The following MICU2 variants were observed in gnomAD, a reference collection of about 807,000 sequenced individuals.
MICU2 encodes calcium uptake protein 2, mitochondrial.
In MICU2, 64 loss-of-function variants were observed where a neutral mutation model predicts 60.4. The observed-to-expected ratio is 1.06, with a 90% CI of 0.87 to 1.31. The LOEUF is 1.31. MICU2 is among the 50% of genes most tolerant of loss of function. The pLI is 0.00. For synonymous variants in MICU2, 201 were observed against 175.0 expected, an observed-to-expected ratio of 1.15 and a Z score of -1.17; for missense variants, 569 against 531.0, an observed-to-expected ratio of 1.07 and a Z score of -0.70.
chr13:21,553,820 T>C lies in MICU2; in HGVS notation c.358+12977A>G, dbSNP rs558382279. ...TGCAGAGACACACATAGGCTCAAAA[T>C]AAAGGGATGGAGGAAGATCTATCAA... On this transcript the variant is annotated intron_variant, in intron 2 of 11. Transcript: ENST00000382374. Among the ~76,000 whole-genome samples, 459 of 151,870 alleles carry C rather than the reference T, an allele frequency of 3.0e-3. 4 individuals carry two copies. Among genetic ancestry groups the C allele is most frequent in the African/African-American group, 0.01 (422 of 41,406 alleles).
At chr13:21,532,810 G>A (rs1419919071) in intron 4 of MICU2, among the ~76,000 whole-genome samples, 2 of 152,102 alleles carry the variant, frequency 1.3e-5, no homozygotes, top group African/African-American at 2.4e-5. Context: ...ACGGTGGAGT[G>A]GGTACCAGGC....
At chr13:21,603,318 AG>A (rs1419171821) in intron 1 of MICU2, among the ~76,000 whole-genome samples, 3 of 152,180 alleles carry the variant, frequency 2.0e-5, no homozygotes, top group Non-Finnish European at 4.4e-5. Flanking sequence ...ATTTTTGCTT[AG>A]AACTTATGGT....
chr13:21,588,482 C>T (rs1354212071), intron 1 of MICU2, among the ~76,000 whole-genome samples: 1 of 152,204 alleles, frequency 6.6e-6, no homozygotes, highest in Non-Finnish European at 1.5e-5. Flanking sequence ...GGTCAGCCCC[C>T]AAGGGCCATC....
At chr13:21,573,870 T>A (rs988942241) in intron 1 of MICU2, among the ~76,000 whole-genome samples, 2 of 152,202 alleles carry the variant, frequency 1.3e-5, no homozygotes, top group African/African-American at 4.8e-5. Flanking sequence ...CTATTCAACC[T>A]GCAAAATTGG....
chr13:21,594,118 T>C (rs1183361303), intron 1 of MICU2, among the ~76,000 whole-genome samples: 3 of 152,164 alleles, frequency 2.0e-5, no homozygotes, highest in African/African-American at 7.2e-5. Context: ...GAGAAAATTT[T>C]TGCAATCTAC....
intron 2 of MICU2, among the ~76,000 whole-genome samples, chr13:21,545,275 C>A (rs971608407): frequency 6.6e-6 from 1 of 152,120 alleles, no homozygotes. Flanking sequence ...AAAATGAAAT[C>A]CAGTCATTAA....
At chr13:21,572,260 C>T (rs1888127589) in intron 1 of MICU2, among the ~76,000 whole-genome samples, 1 of 152,178 alleles carries the variant, frequency 6.6e-6, no homozygotes, top group Non-Finnish European at 1.5e-5. Flanking sequence ...TACGCTGTGT[C>T]CGGGAAAAAC....
chr13:21,543,362 T>A (rs894583610), intron 2 of MICU2, among the ~76,000 whole-genome samples: 2 of 152,054 alleles, frequency 1.3e-5, no homozygotes, highest in African/African-American at 4.8e-5. Context: ...GGCATCCAAA[T>A]TGGAAAGGAA....
At chr13:21,596,083 G>A (rs1183098419) in intron 1 of MICU2, among the ~76,000 whole-genome samples, 3 of 152,106 alleles carry the variant, frequency 2.0e-5, no homozygotes, top group Admixed American at 6.5e-5. Flanking sequence ...GTGTTGCTAA[G>A]AACTGCAATG....
At chr13:21,497,480 G>C (rs1159808771) in intron 9 of MICU2, among the ~76,000 whole-genome samples, 1 of 152,172 alleles carries the variant, frequency 6.6e-6, no homozygotes, top group African/African-American at 2.4e-5. Context: ...AGGCTGAGGT[G>C]GCCGGACTGC....
chr13:21,535,752 G>A (rs1231699313), intron 4 of MICU2, among the ~76,000 whole-genome samples: 1 of 152,066 alleles, frequency 6.6e-6, no homozygotes, highest in Non-Finnish European at 1.5e-5. Context: ...AATAGAGCTA[G>A]GAATCTAAAC....
intron 6 of MICU2, among the ~76,000 whole-genome samples, chr13:21,519,495 A>G (rs1886662954): frequency 6.6e-6 from 1 of 152,118 alleles, no homozygotes; most frequent in Non-Finnish European, 1.5e-5. Flanking sequence ...GCTCCTTCTC[A>G]GGTTCATTCG....
chr13:21,553,795 T>C (rs1020058727), intron 2 of MICU2, among the ~76,000 whole-genome samples: 25 of 152,226 alleles, frequency 1.6e-4, no homozygotes, highest in Admixed American at 2.0e-4. Flanking sequence ...CCGTCTCACA[T>C]GCAGAGACAC....
chr13:21,502,979 C>T lies in MICU2; in HGVS notation c.880G>A (p.Glu294Lys). The T allele has an allele frequency of 6.2e-7, 1 of 1,612,024 alleles. No individual in the cohort carries two copies. Among genetic ancestry groups the T allele is most frequent in the East Asian group, 2.2e-5 (1 of 44,734 alleles). ...TTTTTCCAATAAATATCTTTATTTT[C>T]AGTGTTAGTGAAAAAAAGTAGCCAC... ...AEWLLFFTNT[E>K]NKDIYWKNVR... is the part of the protein sequence containing the mutation. Residue 294 changes from glutamate to lysine, a missense_variant, in exon 9 of 12, where the codon GAA (glutamate) becomes AAA (lysine). Coordinates refer to ENST00000382374, the MANE Select transcript of MICU2 (RefSeq NM_152726.3).
intron 2 of MICU2, among the ~76,000 whole-genome samples, chr13:21,548,776 G>A (rs944471043): frequency 1.3e-5 from 2 of 152,092 alleles, no homozygotes; most frequent in Admixed American, 1.3e-4. Flanking sequence ...ACAATCACCC[G>A]GAGGGTGCTT....
At position 21,601,038 on chromosome 13, in the gene MICU2, CG is replaced by C. The variant is rs533097309; in HGVS notation, c.210+2900del. Among the ~76,000 whole-genome samples, 354 of 152,274 alleles carry C rather than the reference CG, an allele frequency of 2.3e-3. 1 individual carries two copies. The highest frequency in any genetic ancestry group is 0.01 in the Middle Eastern group (3 of 294). ...GTCTCGATCTCCTGACCTCGTGATC[CG>C]CCCATCTCGGCCTCCCAAAGTGCTG... On this transcript the variant is annotated intron_variant, in intron 1 of 11. Transcript: ENST00000382374.
At chr13:21,526,113 CTT>C (rs34999871) in intron 4 of MICU2, among the ~76,000 whole-genome samples, 140 of 110,580 alleles carry the variant, frequency 1.3e-3, no homozygotes, top group African/African-American at 4.5e-3. Context: ...AATTAAAATA[CTT>C]TTTTTTTTTT....
chr13:21,519,859 A>G (rs1030129850), intron 6 of MICU2, among the ~76,000 whole-genome samples: 9 of 152,374 alleles, frequency 5.9e-5, no homozygotes, highest in African/African-American at 2.2e-4. Context: ...ATTTGTATAC[A>G]GTAAAATGTA....
rs563248655 is a variant in MICU2, at chr13:21,572,012, T to C, written c.211-5068A>G. Among the ~76,000 whole-genome samples the C allele has an allele frequency of 6.6e-5, 10 of 152,348 alleles. No individual in the cohort carries two copies. In the East Asian group the frequency reaches 1.9e-3, roughly 29 times the overall value. On this transcript the variant is annotated intron_variant, in intron 1 of 11. Coordinates refer to ENST00000382374, the MANE Select transcript of MICU2 (RefSeq NM_152726.3). The stretch of plus-strand genomic sequence containing the variant: ...GCCTATATGGAAATTTGGAATTGGA[T>C]ATCTGATACCATGATTCAGCACTCT...
Sources: gnomAD v4.1 joint callset for allele counts (sites outside exome capture counted in the v4.1 genomes callset) on GRCh38, gnomAD v4.1.1 for gene constraint, MANE v1.5 for transcripts, NCBI Gene and HGNC (gene_info 2026-07-23, HGNC 2026-07-21) for gene names.